NNT: variants seen among roughly 807,000 people sequenced by gnomAD.
The protein encoded by NNT is nicotinamide nucleotide transhydrogenase, also known as NAD(P) transhydrogenase, mitochondrial.
NNT carries 50 observed loss-of-function variants against 104.8 expected under a neutral mutation model. The observed-to-expected ratio is 0.48, with a 90% CI of 0.38 to 0.60. The LOEUF (loss-of-function observed/expected upper bound fraction) is 0.60, where lower values mean the gene tolerates loss of function less well. Ranked by LOEUF, NNT falls within the 20% of genes least tolerant of loss-of-function variation. NNT has a pLI of 0.00. For synonymous variants in NNT, 461 were observed against 490.4 expected, an observed-to-expected ratio of 0.94 and a Z score of 0.79; for missense variants, 1,131 against 1,330.7, an observed-to-expected ratio of 0.85 and a Z score of 2.33.
chr5:43,639,585 A>G (rs1751111390), intron 7 of NNT, among the ~76,000 whole-genome samples: 1 of 152,176 alleles, frequency 6.6e-6, no homozygotes. Context: ...ATTAGACTCT[A>G]GAGCCTAAGT....
At chr5:43,642,922 A>T (rs1029130551) in intron 7 of NNT, among the ~76,000 whole-genome samples, 4 of 152,144 alleles carry the variant, frequency 2.6e-5, no homozygotes, top group African/African-American at 4.8e-5. Flanking sequence ...TTCTTTTTAT[A>T]AAAAATATGT....
At chr5:43,683,668 A>G (rs963789879) in intron 19 of NNT, among the ~76,000 whole-genome samples, 1 of 152,244 alleles carries the variant, frequency 6.6e-6, no homozygotes, top group African/African-American at 2.4e-5. Flanking sequence ...TATTGAGCTC[A>G]TTAGCCATTG....
chr5:43,608,955 G>A (rs1749361162), intron 1 of NNT, among the ~76,000 whole-genome samples, 188 bp from the exon 2 acceptor site: 1 of 152,160 alleles, frequency 6.6e-6, no homozygotes. Flanking sequence ...TTAAATGTCT[G>A]AACTGGAAAA....
chr5:43,647,728 T>G (rs1739528943), intron 10 of NNT, among the ~76,000 whole-genome samples: 1 of 152,192 alleles, frequency 6.6e-6, no homozygotes, highest in Non-Finnish European at 1.5e-5. Flanking sequence ...TTCAGGTGTA[T>G]GATGTAATTT....
chr5:43,704,570 C>A lies in NNT; in HGVS notation c.*166C>A. On this transcript the variant is annotated 3_prime_UTR_variant, in exon 22 of 22. Coordinates refer to ENST00000344920, the MANE Select transcript of NNT (RefSeq NM_182977.3). Reference sequence around the variant, plus strand: ...ACTGTATAGAGAGATTTTTCAAAAGCAGTAATCCCTCAATTTTAAAAAAGG... The same window carrying A: ...ACTGTATAGAGAGATTTTTCAAAAGAAGTAATCCCTCAATTTTAAAAAAGG... 3.6e-6 allele frequency: 2 copies of A among 548,562 alleles called. No homozygotes were observed. Among genetic ancestry groups the A allele is most frequent in the Admixed American group, 3.8e-5 (1 of 26,206 alleles). The allele number at this position is 548,562 out of a possible 1,614,324, so 34.0% of individuals were successfully genotyped here.
At chr5:43,668,292 C>T (rs1437248906) in intron 17 of NNT, among the ~76,000 whole-genome samples, 2 of 151,068 alleles carry the variant, frequency 1.3e-5, no homozygotes, top group Non-Finnish European at 1.5e-5. Context: ...TAATTAGATC[C>T]CATTTGTCAA....
At chr5:43,679,728 G>T (rs890245684) in intron 19 of NNT, among the ~76,000 whole-genome samples, 1 of 152,044 alleles carries the variant, frequency 6.6e-6, no homozygotes, top group Non-Finnish European at 1.5e-5. Flanking sequence ...TTGATGAAAG[G>T]TTTAAGAGAA....
chr5:43,666,070 C>T lies in NNT; in HGVS notation c.2634+6720C>T, dbSNP rs527523135. The stretch of plus-strand genomic sequence containing the variant: ...CAGAGACGCTCCTCACTTCCTAGAC[C>T]GGATGACGGCCGGGAAGAGGCGCTC... On this transcript the variant is annotated intron_variant, in intron 17 of 21. Coordinates refer to ENST00000344920, the MANE Select transcript of NNT (RefSeq NM_182977.3). 6.1e-5 allele frequency among the ~76,000 whole-genome samples: 9 copies of T among 147,840 alleles called. No homozygotes were observed. In the East Asian group the frequency reaches 1.0e-3, roughly 16 times the overall value.
intron 21 of NNT, among the ~76,000 whole-genome samples, chr5:43,703,970 G>A (rs3828696): frequency 0.075 from 11,444 of 152,122 alleles, 604 homozygotes; most frequent in East Asian, 0.2. Flanking sequence ...TTATAGAGAA[G>A]AAGCACTAAG....
chr5:43,615,054 G>A (rs979629430), intron 3 of NNT, among the ~76,000 whole-genome samples: 6 of 151,836 alleles, frequency 4.0e-5, no homozygotes, highest in African/African-American at 1.5e-4. Context: ...GGAGAATGGC[G>A]TGAACCCGGG....
At position 43,692,739 on chromosome 5, in the gene NNT, T is replaced by C. The variant is rs2112205422; in HGVS notation, c.2877-7380T>C. ...ACCACTGTAAGGGAGAGTGCTTCTT[T>C]CTTTCTTTGTTTATTTCTTACTGAC... On this transcript the variant is annotated intron_variant, in intron 19 of 21. Coordinates refer to ENST00000344920, the MANE Select transcript of NNT (RefSeq NM_182977.3). Among the ~76,000 whole-genome samples the C allele has an allele frequency of 2.0e-5, 3 of 152,366 alleles. 1 individual carries two copies. The Middle Eastern group carries it at 0.01, about 518-fold the overall frequency.
rs922236311 is a variant in NNT, at chr5:43,676,538, G to A, written c.2794+868G>A. 2.6e-5 allele frequency among the ~76,000 whole-genome samples: 4 copies of A among 152,164 alleles called. No homozygotes were observed. The East Asian group carries it at 7.7e-4, about 29-fold the overall frequency. On this transcript the variant is annotated intron_variant, in intron 18 of 21. Transcript: ENST00000344920. The stretch of plus-strand genomic sequence containing the variant: ...TTGGGTTTTTGGTTGTCCAAAGATG[G>A]GAATGCTACTGTCAATTAGTGGATG...
At chr5:43,616,391 G>C (rs1028510715) in intron 4 of NNT, among the ~76,000 whole-genome samples, 4 of 152,186 alleles carry the variant, frequency 2.6e-5, no homozygotes, top group Non-Finnish European at 4.4e-5. Flanking sequence ...ATGTAAGGTT[G>C]AAGTTACTGT....
chr5:43,700,061 G>T (rs890226592), intron 19 of NNT, 58 bp from the exon 20 acceptor site: 15 of 1,322,528 alleles, frequency 1.1e-5, no homozygotes, highest in South Asian at 2.6e-5. Flanking sequence ...TGATATTGGG[G>T]TCTCTGTACA....
At chr5:43,648,152 T>TG (rs2111864302) in intron 10 of NNT, 1 of 1,138,388 alleles carries the variant, frequency 8.8e-7, no homozygotes, top group South Asian at 2.0e-5. Context: ...TAATGGGCTA[T>TG]GCACTGGAAC....
At chr5:43,702,551 A>G in intron 20 of NNT, 70 bp from the exon 21 acceptor site, 1 of 916,380 alleles carries the variant, frequency 1.1e-6, no homozygotes, top group East Asian at 2.8e-5. Context: ...AGATCACTAT[A>G]ATTTGTCTGA....
In NNT at chr5:43,677,651, C is replaced by A. The variant is rs75999006; in HGVS notation, c.2795-74C>A. 2.0e-3 allele frequency: 2,584 copies of A among 1,319,972 alleles called. 36 individuals are homozygous for A. In the African/African-American group the frequency reaches 0.034, roughly 17 times the overall value. 81.8% of individuals were successfully genotyped at this position (1,319,972 alleles called of 1,614,324 possible). On this transcript the variant is annotated intron_variant, in intron 18 of 21. Transcript: ENST00000344920. ...TGTTGGCATAAACATGTGTTTTCATCAAGAGAGAAGTTGTACTTCATGTAA... is the reference window on the plus strand; with the variant it reads ...TGTTGGCATAAACATGTGTTTTCATAAAGAGAGAAGTTGTACTTCATGTAA...
Position 43,655,858 on chromosome 5 carries a change from G to A in NNT, c.2078G>A (p.Arg693His), listed in dbSNP as rs139987446. 1.4e-4 allele frequency: 230 copies of A among 1,613,858 alleles called. No individual in the cohort carries two copies. The highest frequency in any genetic ancestry group is 1.7e-4 in the Non-Finnish European group (195 of 1,179,888). Residue 693 changes from arginine (R) to histidine (H), a missense_variant, in exon 15 of 22, where the codon CGC (arginine) becomes CAC (histidine). By Grantham distance (29) the Arg-to-His change is conservative (BLOSUM62 0). Coordinates refer to ENST00000344920, the MANE Select transcript of NNT (RefSeq NM_182977.3). ...GGTIGLTIAK[R>H]IQISDLPQLV... ...ATAACAGGATTGACAATTGCCAAAC[G>A]CATCCAGATTTCTGATTTACCTCAA...
rs1048992759 is a variant in NNT, at chr5:43,615,859, T to A, written c.393T>A (p.Pro131=). 2 of 1,613,566 alleles carry A rather than the reference T, an allele frequency of 1.2e-6. No individual in the cohort carries two copies. The highest frequency in any genetic ancestry group is 1.7e-6 in the Non-Finnish European group (2 of 1,179,752). ...GATTTTTTCCCCAGGTGCGAGCCCCTATGGTTAATCCAACATTAGGTGTTC... is the reference window on the plus strand; with the variant it reads ...GATTTTTTCCCCAGGTGCGAGCCCCAATGGTTAATCCAACATTAGGTGTTC... The part of the protein sequence containing the change: ...ASDLVVKVRA[P]MVNPTLGVHE... Residue 131 remains proline (P), a synonymous_variant, in exon 4 of 22, where the codon CCT becomes CCA. Coordinates refer to ENST00000344920, the MANE Select transcript of NNT (RefSeq NM_182977.3).
Sources: allele counts gnomAD v4.1 joint callset (sites outside exome capture counted in the v4.1 genomes callset), GRCh38; gene constraint gnomAD v4.1.1; transcripts MANE v1.5; gene names NCBI Gene and HGNC (gene_info 2026-07-23, HGNC 2026-07-21).